ARHGAP28: variants seen among roughly 807,000 people sequenced by gnomAD.
ARHGAP28 encodes the protein Rho GTPase activating protein 28.
Under a neutral mutation model 90.7 loss-of-function variants are expected in ARHGAP28, and 56 were observed. The observed-to-expected ratio is 0.62, with a 90% CI of 0.50 to 0.77. The LOEUF (loss-of-function observed/expected upper bound fraction) is 0.77, where lower values mean the gene tolerates loss of function less well. Among genes scored for constraint, ARHGAP28 ranks in the 30% least tolerant of loss-of-function variants. The pLI is 0.00. For synonymous variants in ARHGAP28, 308 were observed against 323.3 expected, an observed-to-expected ratio of 0.95 and a Z score of 0.51; for missense variants, 869 against 900.9, an observed-to-expected ratio of 0.96 and a Z score of 0.45.
chr18:6,871,537 C>T (rs905139983), intron 7 of ARHGAP28, among the ~76,000 whole-genome samples: 1 of 151,960 alleles, frequency 6.6e-6, no homozygotes, highest in Non-Finnish European at 1.5e-5. Flanking sequence ...TACTTTGTTA[C>T]CCCCAAAGTC....
At position 6,884,530 on chromosome 18, in the gene ARHGAP28, G is replaced by A. The variant is rs114973816; in HGVS notation, c.1453+2231G>A. ...GAACATTATGAATATAGTCTTTGGA[G>A]ACTATGGATTCTGAAGTATTTCTCC... On this transcript the variant is annotated intron_variant, in intron 11 of 17. Transcript: ENST00000383472. Among the ~76,000 whole-genome samples, 568 of 152,298 alleles carry A rather than the reference G, an allele frequency of 3.7e-3. 5 individuals are homozygous for A. Among genetic ancestry groups the A allele is most frequent in the African/African-American group, 0.013 (531 of 41,558 alleles).
intron 1 of ARHGAP28, among the ~76,000 whole-genome samples, chr18:6,730,595 A>C (rs1021432407): frequency 1.3e-5 from 2 of 152,148 alleles, no homozygotes; most frequent in African/African-American, 4.8e-5. Context: ...CATCCTGTAC[A>C]TTTCAGATTT....
intron 3 of ARHGAP28, among the ~76,000 whole-genome samples, chr18:6,845,617 T>C (rs1026069012): frequency 1.3e-5 from 2 of 152,182 alleles, no homozygotes; most frequent in African/African-American, 2.4e-5. Context: ...TTTCCCACCA[T>C]ATGTCCATAA....
At chr18:6,903,826 C>CAAAAAAAA (rs35606759) in intron 16 of ARHGAP28, among the ~76,000 whole-genome samples, 2 of 84,040 alleles carry the variant, frequency 2.4e-5, no homozygotes, top group African/African-American at 5.0e-5. Context: ...GACTCCATCT[C>CAAAAAAAA]AAAAAAAAAA....
At chr18:6,908,706 AT>A (rs1352842516) in intron 16 of ARHGAP28, among the ~76,000 whole-genome samples, 1 of 152,194 alleles carries the variant, frequency 6.6e-6, no homozygotes, top group East Asian at 1.9e-4. Context: ...TGTGGCCTGA[AT>A]GGGCTCTATG....
intron 3 of ARHGAP28, among the ~76,000 whole-genome samples, chr18:6,841,542 A>C (rs1164680393): frequency 6.6e-6 from 1 of 151,776 alleles, no homozygotes; most frequent in East Asian, 1.9e-4. Context: ...TTTATCTATA[A>C]ATTCAGTAAT....
Position 6,754,360 on chromosome 18 carries a change from G to A in ARHGAP28, c.122+24417G>A, listed in dbSNP as rs537064401. Among the ~76,000 whole-genome samples the A allele has an allele frequency of 2.6e-5, 4 of 152,228 alleles. No homozygotes were observed. In the East Asian group the frequency reaches 5.8e-4, roughly 22 times the overall value. On this transcript the variant is annotated intron_variant, in intron 1 of 17. Transcript: ENST00000383472. ...CATTTAATGTTGTTAAATCGTACTAGAAGAAGGGAATACAGCTCTATACTG... is the reference window on the plus strand; with the variant it reads ...CATTTAATGTTGTTAAATCGTACTAAAAGAAGGGAATACAGCTCTATACTG...
intron 1 of ARHGAP28, among the ~76,000 whole-genome samples, chr18:6,739,890 C>T (rs1297150116): frequency 2.1e-5 from 3 of 145,686 alleles, no homozygotes; most frequent in Non-Finnish European, 4.5e-5. Context: ...GTTTCACTCT[C>T]GTTGTCCAGG....
At chr18:6,836,760 C>T (rs141681708) in intron 2 of ARHGAP28, among the ~76,000 whole-genome samples, 2,909 of 152,222 alleles carry the variant, frequency 0.019, 53 homozygotes, top group Non-Finnish European at 0.028. Flanking sequence ...ACTGAGGCCT[C>T]GAGATATCGT....
At chr18:6,871,291 G>A (rs982726016) in intron 7 of ARHGAP28, among the ~76,000 whole-genome samples, 1 of 151,958 alleles carries the variant, frequency 6.6e-6, no homozygotes, top group African/African-American at 2.4e-5. Flanking sequence ...AAATGAAATA[G>A]GATTCTACCT....
chr18:6,856,837 C>G (rs2056957740), intron 4 of ARHGAP28, among the ~76,000 whole-genome samples: 1 of 152,148 alleles, frequency 6.6e-6, no homozygotes, highest in South Asian at 2.1e-4. Flanking sequence ...GCTTGGTTTC[C>G]CATTTCATAT....
chr18:6,859,021 A>T (rs2143370821), intron 4 of ARHGAP28, among the ~76,000 whole-genome samples: 1 of 152,204 alleles, frequency 6.6e-6, no homozygotes, highest in Non-Finnish European at 1.5e-5. Flanking sequence ...TCACATCTTA[A>T]TTTCAGTGGC....
intron 12 of ARHGAP28, among the ~76,000 whole-genome samples, chr18:6,888,902 AGAATTGGTTCCCTTCGTTCAGATCCT>A (rs2057243001): frequency 6.6e-6 from 1 of 152,176 alleles, no homozygotes; most frequent in South Asian, 2.1e-4. Flanking sequence ...CTCTAGCTGA[AGAATTGGTTCCCTTCGTTCAGATCCT>A]GGCTCTGCCA....
chr18:6,856,837 C>T (rs2056957740), intron 4 of ARHGAP28, among the ~76,000 whole-genome samples: 1 of 152,148 alleles, frequency 6.6e-6, no homozygotes, highest in South Asian at 2.1e-4. Flanking sequence ...GCTTGGTTTC[C>T]CATTTCATAT....
intron 5 of ARHGAP28, among the ~76,000 whole-genome samples, chr18:6,861,234 C>T (rs1039539799): frequency 6.6e-6 from 1 of 152,112 alleles, no homozygotes; most frequent in African/African-American, 2.4e-5. Flanking sequence ...AACTCTGCCT[C>T]CCTCCTCCCC....
At chr18:6,858,504 AG>A (rs2056971820) in intron 4 of ARHGAP28, among the ~76,000 whole-genome samples, 1 of 151,818 alleles carries the variant, frequency 6.6e-6, no homozygotes, top group South Asian at 2.1e-4. Context: ...TTTGGGTGGC[AG>A]GGGAGGTAGA....
chr18:6,826,566 A>C (rs1263603126), intron 2 of ARHGAP28, among the ~76,000 whole-genome samples: 1 of 151,760 alleles, frequency 6.6e-6, no homozygotes, highest in African/African-American at 2.4e-5. Context: ...ACTGGCTTGC[A>C]AAATTCCTGA....
At chr18:6,759,349 C>T (rs1386693102) in intron 1 of ARHGAP28, among the ~76,000 whole-genome samples, 1 of 152,168 alleles carries the variant, frequency 6.6e-6, no homozygotes, top group Non-Finnish European at 1.5e-5. Context: ...TTAGAACATT[C>T]TATGATCAAT....
At chr18:6,909,452 CCAGA>C (rs1171590818) in intron 17 of ARHGAP28, among the ~76,000 whole-genome samples, 1 of 151,650 alleles carries the variant, frequency 6.6e-6, no homozygotes, top group Non-Finnish European at 1.5e-5. Context: ...GCCACCACGC[CCAGA>C]CAATTTTTAT....
Sources: allele counts gnomAD v4.1 joint callset (sites outside exome capture counted in the v4.1 genomes callset), GRCh38; gene constraint gnomAD v4.1.1; transcripts MANE v1.5; gene names NCBI Gene and HGNC (gene_info 2026-07-23, HGNC 2026-07-21).